EPHA3: variants seen among roughly 807,000 people sequenced by gnomAD.
The protein encoded by EPHA3 is ephrin type-A receptor 3.
EPHA3 carries 42 observed loss-of-function variants against 107.1 expected under a neutral mutation model. That is an observed-to-expected ratio of 0.39 (90% CI 0.31 to 0.51). The LOEUF is 0.51. EPHA3 is among the 20% of genes least tolerant of loss of function. The pLI, the probability that EPHA3 is intolerant of heterozygous loss-of-function variation, is 0.78. For synonymous variants in EPHA3, 461 were observed against 424.8 expected (o/e 1.09, Z -1.05); for missense variants, 1,183 against 1,211.2 (o/e 0.98, Z 0.35).
intron 1 of EPHA3, among the ~76,000 whole-genome samples, chr3:89,108,379 C>T (rs1227646593): frequency 6.6e-6 from 1 of 152,104 alleles, no homozygotes; most frequent in Non-Finnish European, 1.5e-5. Flanking sequence ...TTGTGTGTAT[C>T]CCGCCAGGCA....
At chr3:89,124,032 G>A (rs1409155364) in intron 1 of EPHA3, among the ~76,000 whole-genome samples, 1 of 152,080 alleles carries the variant, frequency 6.6e-6, no homozygotes, top group Non-Finnish European at 1.5e-5. Flanking sequence ...CTTTTTGTCA[G>A]ATTTTATCAT....
chr3:89,410,637 A>G (rs538376622), intron 9 of EPHA3, among the ~76,000 whole-genome samples: 2 of 152,116 alleles, frequency 1.3e-5, no homozygotes, highest in East Asian at 1.9e-4. Flanking sequence ...AAACTGGAAG[A>G]TCACACATTA....
At chr3:89,471,239 G>T (rs530195212) in intron 15 of EPHA3, among the ~76,000 whole-genome samples, 1 of 151,814 alleles carries the variant, frequency 6.6e-6, no homozygotes, top group South Asian at 2.1e-4. Flanking sequence ...CTTCAGGGAG[G>T]CAAACATTGT....
chr3:89,223,721 C>T (rs1704436892), intron 3 of EPHA3, among the ~76,000 whole-genome samples: 2 of 152,090 alleles, frequency 1.3e-5, no homozygotes, highest in Non-Finnish European at 2.9e-5. Flanking sequence ...TTGTTTGTAT[C>T]ATTGTATTAT....
intron 3 of EPHA3, among the ~76,000 whole-genome samples, chr3:89,216,493 A>G (rs982110646): frequency 3.3e-5 from 5 of 152,014 alleles, no homozygotes; most frequent in Non-Finnish European, 5.9e-5. Flanking sequence ...CTTAATGAAT[A>G]TTATCTTGTC....
intron 2 of EPHA3, among the ~76,000 whole-genome samples, chr3:89,196,274 C>G (rs1437678054): frequency 6.6e-6 from 1 of 152,146 alleles, no homozygotes; most frequent in African/African-American, 2.4e-5. Context: ...ATCTTCCCCT[C>G]CTCTCAACAT....
At chr3:89,139,503 C>T (rs182407526) in intron 2 of EPHA3, among the ~76,000 whole-genome samples, 1 of 151,866 alleles carries the variant, frequency 6.6e-6, no homozygotes, top group East Asian at 1.9e-4. Context: ...GCTGAAAAGG[C>T]AGCAAATAAG....
chr3:89,459,627 A>T (rs1194155849), intron 15 of EPHA3, among the ~76,000 whole-genome samples: 2 of 151,750 alleles, frequency 1.3e-5, no homozygotes, highest in Admixed American at 1.3e-4. Flanking sequence ...GGTTCAGGCG[A>T]TTCTCCTGCC....
intron 3 of EPHA3, among the ~76,000 whole-genome samples, chr3:89,289,692 C>T (rs1009199702): frequency 3.3e-5 from 5 of 152,030 alleles, no homozygotes; most frequent in East Asian, 1.9e-4. Context: ...TCAATATGTG[C>T]GTGCGTGTGT....
intron 3 of EPHA3, among the ~76,000 whole-genome samples, chr3:89,234,534 A>G (rs996727891): frequency 1.3e-5 from 2 of 152,158 alleles, no homozygotes; most frequent in African/African-American, 4.8e-5. Flanking sequence ...GGACCAATCA[A>G]ATGTGCTGGT....
At chr3:89,120,483 C>T (rs146471021) in intron 1 of EPHA3, among the ~76,000 whole-genome samples, 134 of 152,292 alleles carry the variant, frequency 8.8e-4, no homozygotes, top group African/African-American at 3.1e-3. Flanking sequence ...TATAAGAACA[C>T]ATTTTTCTAC....
At chr3:89,372,433 A>T (rs1424936293) in intron 5 of EPHA3, among the ~76,000 whole-genome samples, 1 of 151,558 alleles carries the variant, frequency 6.6e-6, no homozygotes, top group South Asian at 2.1e-4. Context: ...TTTTATTCAT[A>T]TATAGCACAG....
intron 12 of EPHA3, among the ~76,000 whole-genome samples, chr3:89,429,783 GTGC>G (rs1400511655): frequency 0.01 from 1,451 of 143,446 alleles, 26 homozygotes; most frequent in African/African-American, 0.038. Flanking sequence ...CCAGGCAATG[GTGC>G]AATGGTGCAA....
chr3:89,367,194 T>G (rs1708201668), intron 5 of EPHA3, among the ~76,000 whole-genome samples: 1 of 150,862 alleles, frequency 6.6e-6, no homozygotes. Flanking sequence ...CATGAATACA[T>G]TTTCTTGTAA....
At chr3:89,443,492 A>G (rs1263977042) in intron 13 of EPHA3, among the ~76,000 whole-genome samples, 1 of 152,208 alleles carries the variant, frequency 6.6e-6, no homozygotes. Flanking sequence ...TTATGTTTAT[A>G]TTGGCTCATT....
chr3:89,269,525 A>G (rs890070098), intron 3 of EPHA3, among the ~76,000 whole-genome samples: 6 of 151,654 alleles, frequency 4.0e-5, no homozygotes, highest in Non-Finnish European at 8.8e-5. Flanking sequence ...ATCCTCAGTG[A>G]TCCTCCTACC....
chr3:89,372,584 G>A (rs1559669772), intron 5 of EPHA3, among the ~76,000 whole-genome samples: 1 of 151,728 alleles, frequency 6.6e-6, no homozygotes, highest in Non-Finnish European at 1.5e-5. Context: ...CTATGAAAGA[G>A]AAAGGAAATC....
At chr3:89,449,597 A>G (rs1231567855) in intron 14 of EPHA3, among the ~76,000 whole-genome samples, 1 of 152,214 alleles carries the variant, frequency 6.6e-6, no homozygotes, top group Non-Finnish European at 1.5e-5. Context: ...ATAAGACAAA[A>G]GAAACATTTG....
intron 5 of EPHA3, among the ~76,000 whole-genome samples, chr3:89,346,063 T>C (rs1707645057): frequency 7.5e-6 from 1 of 133,228 alleles, no homozygotes; most frequent in Non-Finnish European, 1.6e-5. Flanking sequence ...TTGTGAATAA[T>C]GCCTCAATAA....
Sources: allele counts gnomAD v4.1 joint callset (sites outside exome capture counted in the v4.1 genomes callset), GRCh38; gene constraint gnomAD v4.1.1; transcripts MANE v1.5; gene names NCBI Gene and HGNC (gene_info 2026-07-23, HGNC 2026-07-21).